The following MED31 variants were observed in gnomAD, a reference collection of about 807,000 sequenced individuals.
MED31 encodes mediator complex subunit 31.
A neutral mutation model predicts 22.0 loss-of-function variants in MED31; 11 were observed. That is an observed-to-expected ratio of 0.50 (90% CI 0.31 to 0.83). MED31 has a LOEUF of 0.83. Among genes scored for constraint, MED31 ranks in the 40% least tolerant of loss-of-function variants. MED31 has a pLI of 0.04. For missense variants in MED31, 122 were observed against 155.3 expected (o/e 0.79, Z 1.14); for synonymous variants, 60 against 55.1 (o/e 1.09, Z -0.40).
At chr17:6,650,508 G>T in intron 1 of MED31, 75 bp from the exon 2 acceptor site, 1 of 1,382,454 alleles carries the variant, frequency 7.2e-7, no homozygotes, top group South Asian at 1.2e-5. Flanking sequence ...TAAGGAAAGA[G>T]CAATAAAGAA....
chr17:6,649,797 A>C (rs1173643749), intron 3 of MED31, 185 bp downstream of exon 3: 6 of 532,178 alleles, frequency 1.1e-5, no homozygotes, highest in Non-Finnish European at 1.5e-5. Context: ...TAAAAGTGGA[A>C]GCACAGATAA....
In MED31 at chr17:6,651,603, C is replaced by T; in HGVS notation, c.-75G>A. On this transcript the variant is annotated 5_prime_UTR_variant, in exon 1 of 4. Coordinates refer to ENST00000225728, the MANE Select transcript of MED31 (RefSeq NM_016060.3). ...GAGACGCGGGCGAAGTTCCGGAAACCACGGCTCCCTCTTCCGGTCCCGGGG... is the reference window on the plus strand; with the variant it reads ...GAGACGCGGGCGAAGTTCCGGAAACTACGGCTCCCTCTTCCGGTCCCGGGG... The T allele has an allele frequency of 6.2e-7, 1 of 1,604,482 alleles. No homozygotes were observed. Among genetic ancestry groups the T allele is most frequent in the Non-Finnish European group, 8.5e-7 (1 of 1,175,324 alleles).
chr17:6,651,248 G>T (rs1972831835), intron 1 of MED31: 1 of 465,046 alleles, frequency 2.2e-6, no homozygotes, highest in Admixed American at 3.8e-5. Context: ...TAACACACAA[G>T]TCCTCTCCCT....
intron 2 of MED31, 67 bp downstream of exon 2, chr17:6,650,289 G>T: frequency 6.7e-7 from 1 of 1,491,068 alleles, no homozygotes; most frequent in Non-Finnish European, 9.3e-7. Context: ...ATACTATTTT[G>T]AACTGCAACT....
chr17:6,648,925 G>A (rs1468402209), intron 3 of MED31, among the ~76,000 whole-genome samples: 1 of 152,174 alleles, frequency 6.6e-6, no homozygotes, highest in Non-Finnish European at 1.5e-5. Flanking sequence ...CCAACACTGA[G>A]TCTGTAAATC....
intron 2 of MED31, 60 bp from the exon 3 acceptor site, chr17:6,650,138 T>A: frequency 1.4e-6 from 2 of 1,468,646 alleles, no homozygotes; most frequent in Admixed American, 4.4e-5. Flanking sequence ...TGTGATTTGT[T>A]ACCCCTAATA....
intron 3 of MED31, among the ~76,000 whole-genome samples, chr17:6,648,822 A>G (rs968701817): frequency 3.9e-5 from 6 of 152,232 alleles, no homozygotes; most frequent in African/African-American, 1.4e-4. Context: ...TCCCTGACAG[A>G]GTAACACGGG....
intron 3 of MED31, 52 bp downstream of exon 3, chr17:6,649,930 C>A (rs1972811217): frequency 6.9e-7 from 1 of 1,453,406 alleles, no homozygotes; most frequent in Admixed American, 2.7e-5. Flanking sequence ...ACTAAGAAAT[C>A]TATTATATAA....
intron 3 of MED31, among the ~76,000 whole-genome samples, chr17:6,645,637 A>G (rs932731548): frequency 6.6e-5 from 10 of 152,262 alleles, no homozygotes; most frequent in African/African-American, 1.9e-4. Flanking sequence ...AAGAAAATAC[A>G]TAATTCTAAT....
intron 2 of MED31, 88 bp downstream of exon 2, chr17:6,650,268 T>C (rs1972817365): frequency 4.3e-6 from 6 of 1,381,484 alleles, no homozygotes; most frequent in Non-Finnish European, 6.1e-6. Context: ...ACTGAGAATG[T>C]GTAAAAGTAG....
At chr17:6,648,019 A>T (rs997283284) in intron 3 of MED31, among the ~76,000 whole-genome samples, 1 of 152,260 alleles carries the variant, frequency 6.6e-6, no homozygotes, top group Non-Finnish European at 1.5e-5. Flanking sequence ...TTAAAAAGAA[A>T]CAACATAGGG....
At chr17:6,644,843 G>C (rs1258210100) in intron 3 of MED31, among the ~76,000 whole-genome samples, 184 bp from the exon 4 acceptor site, 2 of 152,126 alleles carry the variant, frequency 1.3e-5, no homozygotes, top group East Asian at 3.8e-4. Flanking sequence ...CAATATTTTC[G>C]AAAATGAGAA....
Position 6,644,243 on chromosome 17 carries a change from A to G in MED31, c.*224T>C, listed in dbSNP as rs529569060. On this transcript the variant is annotated 3_prime_UTR_variant, in exon 4 of 4. Coordinates refer to ENST00000225728, the MANE Select transcript of MED31 (RefSeq NM_016060.3). ...AATCAGCTGATTATGCTAAATGCGT[A>G]AAAAAGAAAAACACCTTACAAATCC... The G allele has an allele frequency of 5.2e-5, 29 of 558,126 alleles. No individual in the cohort carries two copies. The highest frequency in any genetic ancestry group is 2.9e-4 in the East Asian group (9 of 31,242). The allele number at this position is 558,126 out of a possible 1,614,324, so 34.6% of individuals were successfully genotyped here. A position where few individuals can be genotyped will look rare whatever the true frequency, so the allele number is the denominator to read the frequency against.
rs2150948579 is a variant in MED31 at position 6,647,240 on chromosome 17, G to A, written c.204-2581C>T. ...ACTGGTGCGGGTCCTCGCATGCTGA[G>A]TGTGCCGGTCCCCTGGGCCCACTGT... On this transcript the variant is annotated intron_variant, in intron 3 of 3. Transcript: ENST00000225728. 2.6e-5 allele frequency among the ~76,000 whole-genome samples: 4 copies of A among 152,326 alleles called. No individual in the cohort carries two copies. In the Middle Eastern group the frequency reaches 0.014, roughly 518 times the overall value.
intron 3 of MED31, 139 bp from the exon 4 acceptor site, chr17:6,644,798 G>GT: frequency 6.8e-6 from 7 of 1,032,982 alleles, no homozygotes; most frequent in Non-Finnish European, 9.0e-6. Context: ...GTAGCATAGG[G>GT]TTTTTTCCCC....
chr17:6,648,400 G>C (rs1038937190), intron 3 of MED31, among the ~76,000 whole-genome samples: 6 of 152,204 alleles, frequency 3.9e-5, no homozygotes, highest in African/African-American at 4.8e-5. Context: ...AATGAAGCAG[G>C]CCAAGTGGTA....
chr17:6,651,484 A>T lies in MED31; in HGVS notation c.28+17T>A. On this transcript the variant is annotated intron_variant, in intron 1 of 3. Coordinates refer to ENST00000225728, the MANE Select transcript of MED31 (RefSeq NM_016060.3). Reference sequence around the variant, plus strand: ...GAGTTCCATCTGCGAAGACTCCAAGATCAGAGAGCTACTCACCTGTCTCCA... The same window carrying T: ...GAGTTCCATCTGCGAAGACTCCAAGTTCAGAGAGCTACTCACCTGTCTCCA... 3 of 1,614,150 alleles carry T rather than the reference A, an allele frequency of 1.9e-6. No homozygotes were observed. Among genetic ancestry groups the T allele is most frequent in the Non-Finnish European group, 2.5e-6 (3 of 1,180,000 alleles).
chr17:6,645,368 G>A (rs527670615), intron 3 of MED31, among the ~76,000 whole-genome samples: 4 of 152,110 alleles, frequency 2.6e-5, no homozygotes, highest in Non-Finnish European at 5.9e-5. Flanking sequence ...TATAGTTCTT[G>A]AGCTTTGTGT....
chr17:6,644,404 C>T lies in MED31; in HGVS notation c.*63G>A. On this transcript the variant is annotated 3_prime_UTR_variant, in exon 4 of 4. Transcript: ENST00000225728. The stretch of plus-strand genomic sequence containing the variant: ...TAGGAAGAGTTTTCATTTTTTTTGT[C>T]TTCACTGTACAAAAGAAATACATTA... The T allele has an allele frequency of 4.1e-6, 6 of 1,455,126 alleles. No homozygotes were observed. Among genetic ancestry groups the T allele is most frequent in the South Asian group, 3.2e-5 (2 of 63,182 alleles). 90.1% of individuals were successfully genotyped at this position (1,455,126 alleles called of 1,614,324 possible).
Sources: gnomAD v4.1 joint callset for allele counts (sites outside exome capture counted in the v4.1 genomes callset) on GRCh38, gnomAD v4.1.1 for gene constraint, MANE v1.5 for transcripts, NCBI Gene and HGNC (gene_info 2026-07-23, HGNC 2026-07-21) for gene names.